The following PROSER2 variants were observed in gnomAD, a reference collection of about 807,000 sequenced individuals.
PROSER2 encodes the protein proline and serine-rich protein 2.
Under a neutral mutation model 14.6 loss-of-function variants are expected in PROSER2, and 18 were observed. That is an observed-to-expected ratio of 1.23 (90% confidence interval 0.85 to 1.83). PROSER2 has a LOEUF of 1.83. Among genes scored for constraint, PROSER2 ranks in the 40% most tolerant of loss-of-function variants. The pLI is 0.00. For synonymous variants in PROSER2, 367 were observed against 286.4 expected, an observed-to-expected ratio of 1.28 and a Z score of -2.84; for missense variants, 823 against 629.8, an observed-to-expected ratio of 1.31 and a Z score of -3.28.
chr10:11,858,482 CAG>C (rs1834166269), intron 2 of PROSER2, among the ~76,000 whole-genome samples: 1 of 152,168 alleles, frequency 6.6e-6, no homozygotes, highest in African/African-American at 2.4e-5. Context: ...CAGGAGTCAA[CAG>C]AGATCAGCTA....
rs1833622009 is a variant in PROSER2, at chr10:11,826,856, A to G, written c.-82+3386A>G. Among the ~76,000 whole-genome samples the G allele has an allele frequency of 4.0e-5, 6 of 148,346 alleles. No individual in the cohort carries two copies. The South Asian group carries it at 1.3e-3, about 31-fold the overall frequency. On this transcript the variant is annotated intron_variant, in intron 1 of 3. Coordinates refer to ENST00000277570, the MANE Select transcript of PROSER2 (RefSeq NM_153256.4). The stretch of plus-strand genomic sequence containing the variant: ...CGGCCTCCCAAAGTGCTGGGATTAC[A>G]GGCATGAGCCACTGCACCCGGCCTT...
chr10:11,847,786 C>T (rs1050606027), intron 1 of PROSER2, among the ~76,000 whole-genome samples: 4 of 152,198 alleles, frequency 2.6e-5, no homozygotes, highest in African/African-American at 9.6e-5. Flanking sequence ...TCTTCCCTTA[C>T]GTCAGCCACT....
intron 1 of PROSER2, among the ~76,000 whole-genome samples, chr10:11,844,059 A>C (rs1233387840): frequency 6.6e-6 from 1 of 152,064 alleles, no homozygotes; most frequent in Non-Finnish European, 1.5e-5. Context: ...TGGCATGATC[A>C]CAGCTCACTG....
chr10:11,845,368 T>C (rs1833908200), intron 1 of PROSER2, among the ~76,000 whole-genome samples: 1 of 152,142 alleles, frequency 6.6e-6, no homozygotes. Context: ...GCTTTTAACT[T>C]TTTCTTGTTT....
At position 11,869,653 on chromosome 10, in the gene PROSER2, C is replaced by A; in HGVS notation, c.555C>A (p.Pro185=). The A allele has an allele frequency of 6.2e-7, 1 of 1,601,354 alleles. No individual in the cohort carries two copies. Among genetic ancestry groups the A allele is most frequent in the East Asian group, 2.3e-5 (1 of 43,990 alleles). Residue 185 remains proline (P), a synonymous_variant, in exon 4 of 4, where the codon CCC becomes CCA. Transcript: ENST00000277570. This position sits in a 1 kb window ranked among gnomAD's most constrained non-coding sequence, Gnocchi z 4.4. The stretch of plus-strand genomic sequence containing the variant: ...CCCCCTCCCCGCCGGTGGAGCACCC[C>A]AGACTCCTGCGCTCTGTTCCCACGC... The part of the protein sequence containing the change: ...LRAPSPPVEH[P]RLLRSVPTPL...
rs1201847559 is a variant in PROSER2 at position 11,866,962 on chromosome 10, C to T, written c.391+179C>T. On this transcript the variant is annotated intron_variant, in intron 3 of 3. Coordinates refer to ENST00000277570, the MANE Select transcript of PROSER2 (RefSeq NM_153256.4). The surrounding 1 kb of genome is among the most constrained non-coding windows in gnomAD (Gnocchi z 6.0). Reference sequence around the variant, plus strand: ...TCCAGCAAAGGGAAATGCCAGAGGGCCTAGAATAAAGAATGGAATGGGCCA... The same window carrying T: ...TCCAGCAAAGGGAAATGCCAGAGGGTCTAGAATAAAGAATGGAATGGGCCA... 6.6e-6 allele frequency among the ~76,000 whole-genome samples: 1 copy of T among 152,094 alleles called. No individual in the cohort carries two copies. The highest frequency in any genetic ancestry group is 1.5e-5 in the Non-Finnish European group (1 of 68,014).
chr10:11,866,394 T>C lies in PROSER2; in HGVS notation c.139-137T>C, dbSNP rs183460772. On this transcript the variant is annotated intron_variant, in intron 2 of 3. Transcript: ENST00000277570. This position sits in a 1 kb window ranked among gnomAD's most constrained non-coding sequence, Gnocchi z 6.0. The stretch of plus-strand genomic sequence containing the variant: ...GTGATGGAGAGGCACACGCAGGCAC[T>C]GTGTGGCAGGGTACTCTCGGGACAC... The C allele has an allele frequency of 3.0e-6, 3 of 990,962 alleles. No individual in the cohort carries two copies. In the African/African-American group the frequency reaches 4.8e-5, roughly 16 times the overall value. 61.4% of individuals were successfully genotyped at this position (990,962 alleles called of 1,614,324 possible).
At chr10:11,845,091 T>C (rs958548150) in intron 1 of PROSER2, among the ~76,000 whole-genome samples, 1 of 152,156 alleles carries the variant, frequency 6.6e-6, no homozygotes, top group African/African-American at 2.4e-5. Flanking sequence ...ACTTTTGCCA[T>C]TGAAAATAAT....
chr10:11,867,529 C>T (rs1400765470), intron 3 of PROSER2, among the ~76,000 whole-genome samples: 2 of 152,078 alleles, frequency 1.3e-5, no homozygotes, highest in Non-Finnish European at 2.9e-5. Flanking sequence ...GAGGCTGAGG[C>T]ACAAGAATCA....
chr10:11,867,878 T>G (rs528947667), intron 3 of PROSER2, among the ~76,000 whole-genome samples: 1 of 152,310 alleles, frequency 6.6e-6, no homozygotes, highest in South Asian at 2.1e-4. Context: ...AAAACAAATG[T>G]GGCCAAGGGT....
At chr10:11,824,122 A>T (rs1002183248) in intron 1 of PROSER2, among the ~76,000 whole-genome samples, 1 of 152,202 alleles carries the variant, frequency 6.6e-6, no homozygotes, top group Non-Finnish European at 1.5e-5. Flanking sequence ...TTAAGCATGT[A>T]GTTGTTTGGT....
At position 11,870,356 on chromosome 10, in the gene PROSER2, G is replaced by T; in HGVS notation, c.1258G>T (p.Ala420Ser). The part of the protein sequence containing the change: ...QFAGRGSSEE[A>S]RREALRKLGL... ...CGCGGGCCGCGGCTCCTCGGAGGAG[G>T]CGCGCAGGGAGGCCCTGCGGAAGCT... Residue 420 changes from alanine (A) to serine (S), a missense_variant, in exon 4 of 4, where the codon GCG becomes TCG. Physicochemically the swap from Ala to Ser is moderately conservative, Grantham distance 99 (BLOSUM62 1). Transcript: ENST00000277570. The T allele has an allele frequency of 6.6e-7, 1 of 1,509,112 alleles. No homozygotes were observed. Among genetic ancestry groups the T allele is most frequent in the African/African-American group, 1.4e-5 (1 of 68,998 alleles). The allele number at this position is 1,509,112 out of a possible 1,614,324, so 93.5% of individuals were successfully genotyped here.
At chr10:11,829,308 G>A (rs907795501) in intron 1 of PROSER2, among the ~76,000 whole-genome samples, 3 of 151,204 alleles carry the variant, frequency 2.0e-5, no homozygotes, top group Non-Finnish European at 4.4e-5. Flanking sequence ...TACATACCCG[G>A]GCATGCTAGA....
intron 1 of PROSER2, among the ~76,000 whole-genome samples, chr10:11,832,276 T>C (rs897191009): frequency 1.3e-5 from 2 of 152,260 alleles, no homozygotes; most frequent in African/African-American, 4.8e-5. Flanking sequence ...AGTGCTGGGA[T>C]ATAGTCCTCG....
intron 1 of PROSER2, among the ~76,000 whole-genome samples, chr10:11,835,108 A>T (rs1331514021): frequency 2.8e-3 from 3 of 1,090 alleles, no homozygotes; most frequent in Non-Finnish European, 0.013. Context: ...ATCTGTCTTA[A>T]AAAAAAAAAA....
chr10:11,857,848 G>A (rs1187066286), intron 2 of PROSER2, among the ~76,000 whole-genome samples: 1 of 152,082 alleles, frequency 6.6e-6, no homozygotes, highest in Admixed American at 6.6e-5. Flanking sequence ...TGCAGGTGGA[G>A]CAGAGATGAG....
chr10:11,839,822 C>CAA (rs1209509215), intron 1 of PROSER2, among the ~76,000 whole-genome samples: 5 of 60,896 alleles, frequency 8.2e-5, no homozygotes, highest in African/African-American at 2.3e-4. Flanking sequence ...GAGATTGTCT[C>CAA]AAAAAAAAAA....
At chr10:11,846,793 C>T (rs1490607869) in intron 1 of PROSER2, among the ~76,000 whole-genome samples, 2 of 152,162 alleles carry the variant, frequency 1.3e-5, no homozygotes, top group South Asian at 2.1e-4. Context: ...AGCTCTGTCA[C>T]GCAGGCCAGA....
intron 1 of PROSER2, among the ~76,000 whole-genome samples, chr10:11,826,841 A>G (rs905390475): frequency 6.6e-4 from 99 of 150,036 alleles, no homozygotes; most frequent in African/African-American, 2.2e-3. Context: ...CGGCCTCCCA[A>G]AGTGCTGGGA....
Sources: allele counts gnomAD v4.1 joint callset (sites outside exome capture counted in the v4.1 genomes callset), GRCh38; gene constraint gnomAD v4.1.1; non-coding constraint Gnocchi (gnomAD v3.1); transcripts MANE v1.5; gene names NCBI Gene and HGNC (gene_info 2026-07-23, HGNC 2026-07-21).